The following VWC2L variants were observed in gnomAD, a reference collection of about 807,000 sequenced individuals.
VWC2L encodes the protein von Willebrand factor C domain-containing protein 2-like.
A neutral mutation model predicts 21.6 loss-of-function variants in VWC2L; 10 were observed. The ratio of observed to expected loss-of-function variants is 0.46; its 90% confidence interval spans 0.29 to 0.78. VWC2L has a LOEUF of 0.78. Among genes scored for constraint, VWC2L ranks in the 30% least tolerant of loss-of-function variants. The probability of loss-of-function intolerance (pLI) is 0.10; values close to 1 mark genes in which losing one functional copy is unlikely to be tolerated. For synonymous variants in VWC2L, 96 were observed against 94.3 expected (o/e 1.02, Z -0.10); for missense variants, 209 against 277.1 (o/e 0.75, Z 1.74).
intron 2 of VWC2L, among the ~76,000 whole-genome samples, chr2:214,424,546 A>G (rs1702494002): frequency 1.3e-5 from 2 of 152,202 alleles, no homozygotes; most frequent in African/African-American, 2.4e-5. Flanking sequence ...AGTAGACAGT[A>G]CTTGGCATGC....
chr2:214,433,405 A>G (rs1702633070), intron 2 of VWC2L, among the ~76,000 whole-genome samples: 1 of 151,946 alleles, frequency 6.6e-6, no homozygotes, highest in African/African-American at 2.4e-5. Flanking sequence ...GCCATGTACT[A>G]CTCATAATTT....
At chr2:214,457,279 C>T (rs1349307181) in intron 3 of VWC2L, among the ~76,000 whole-genome samples, 1 of 151,898 alleles carries the variant, frequency 6.6e-6, no homozygotes, top group African/African-American at 2.4e-5. Context: ...TCTTGTAATT[C>T]CTTTTAAAGG....
chr2:214,577,878 C>T lies in VWC2L; in HGVS notation c.*2058C>T, dbSNP rs972060067. 1.3e-5 allele frequency: 2 copies of T among 152,130 alleles called. No individual in the cohort carries two copies. The highest frequency in any genetic ancestry group is 2.9e-5 in the Non-Finnish European group (2 of 68,028). The allele number at this position is 152,130 out of a possible 1,614,324, so 9.4% of individuals were successfully genotyped here. A position where few individuals can be genotyped will look rare whatever the true frequency, so the allele number is the denominator to read the frequency against. ...ACAAATAGCCATGCCGGCACCATCC[C>T]GAGGAAGAGCATCAAGCCACCTTCC... is the stretch of plus-strand genomic sequence containing the variant. On this transcript the variant is annotated 3_prime_UTR_variant, in exon 4 of 4. Coordinates refer to ENST00000312504, the MANE Select transcript of VWC2L (RefSeq NM_001080500.4).
intron 3 of VWC2L, among the ~76,000 whole-genome samples, chr2:214,543,608 T>C (rs942917373): frequency 1.3e-5 from 2 of 151,798 alleles, no homozygotes; most frequent in African/African-American, 4.8e-5. Flanking sequence ...ACTTATAGAT[T>C]AGTCATCCTC....
At chr2:214,542,472 C>T (rs1224428848) in intron 3 of VWC2L, among the ~76,000 whole-genome samples, 1 of 152,168 alleles carries the variant, frequency 6.6e-6, no homozygotes, top group Non-Finnish European at 1.5e-5. Context: ...CAACTGAAAG[C>T]TTCTCCTGCT....
intron 3 of VWC2L, among the ~76,000 whole-genome samples, chr2:214,453,995 AC>A (rs1703015853): frequency 2.6e-5 from 4 of 152,166 alleles, no homozygotes; most frequent in Admixed American, 2.6e-4. Context: ...TGCTAGAATT[AC>A]AGGAGTGAGC....
At chr2:214,516,258 CAGGAGTCAGCTCATAAATGATTA>C (rs1245500449) in intron 3 of VWC2L, among the ~76,000 whole-genome samples, 2 of 150,932 alleles carry the variant, frequency 1.3e-5, no homozygotes, top group East Asian at 3.9e-4. Flanking sequence ...TGTATCGCCC[CAGGAGTCAGCTCATAAATGATTA>C]AGTGTAACGC....
At chr2:214,508,696 A>G (rs1689005687) in intron 3 of VWC2L, among the ~76,000 whole-genome samples, 1 of 152,182 alleles carries the variant, frequency 6.6e-6, no homozygotes, top group Non-Finnish European at 1.5e-5. Context: ...TGTAAAAGTC[A>G]TATTTTAAAT....
At chr2:214,468,700 G>A (rs544996719) in intron 3 of VWC2L, among the ~76,000 whole-genome samples, 141 of 152,180 alleles carry the variant, frequency 9.3e-4, no homozygotes, top group African/African-American at 2.6e-3. Flanking sequence ...GAATTAGAAC[G>A]TATAATGAGA....
At chr2:214,495,422 C>T (rs1688798081) in intron 3 of VWC2L, among the ~76,000 whole-genome samples, 1 of 152,124 alleles carries the variant, frequency 6.6e-6, no homozygotes, top group African/African-American at 2.4e-5. Flanking sequence ...TCTCAGCAAA[C>T]ACTTCTTAAC....
chr2:214,450,171 C>A (rs547026931), intron 3 of VWC2L, among the ~76,000 whole-genome samples: 3 of 152,198 alleles, frequency 2.0e-5, no homozygotes, highest in African/African-American at 7.2e-5. Context: ...GACAAGGAAC[C>A]CAGGAGGAAG....
At chr2:214,519,205 C>A (rs1411715976) in intron 3 of VWC2L, among the ~76,000 whole-genome samples, 1 of 152,124 alleles carries the variant, frequency 6.6e-6, no homozygotes, top group Non-Finnish European at 1.5e-5. Flanking sequence ...TTTTTCAGAA[C>A]CTGTTCTTCC....
intron 3 of VWC2L, among the ~76,000 whole-genome samples, chr2:214,566,703 A>G (rs944500178): frequency 3.3e-5 from 5 of 152,104 alleles, no homozygotes; most frequent in Admixed American, 3.3e-4. Flanking sequence ...CAATCTCATC[A>G]CCACGCTCTT....
At chr2:214,570,132 T>C (rs1320578052) in intron 3 of VWC2L, among the ~76,000 whole-genome samples, 5 of 152,188 alleles carry the variant, frequency 3.3e-5, no homozygotes, top group African/African-American at 7.2e-5. Context: ...AGGTGCTTTA[T>C]GGTCTATCTT....
chr2:214,564,237 T>C (rs4673863), intron 3 of VWC2L, among the ~76,000 whole-genome samples: 114,237 of 152,108 alleles, frequency 0.75, 43,153 homozygotes, highest in East Asian at 0.83. Context: ...AAAATGGCCA[T>C]ACTACCTAAA....
At chr2:214,548,991 G>A (rs1689751828) in intron 3 of VWC2L, among the ~76,000 whole-genome samples, 1 of 152,266 alleles carries the variant, frequency 6.6e-6, no homozygotes, top group Non-Finnish European at 1.5e-5. Flanking sequence ...AAACCAAGCA[G>A]TTGGCAAGAC....
intron 3 of VWC2L, among the ~76,000 whole-genome samples, chr2:214,521,674 A>T (rs1308268618): frequency 6.6e-6 from 1 of 152,354 alleles, no homozygotes; most frequent in East Asian, 1.9e-4. Context: ...TCTCACAATG[A>T]CCAGGACTTG....
chr2:214,419,355 G>A (rs1702400206), intron 2 of VWC2L, among the ~76,000 whole-genome samples: 1 of 152,142 alleles, frequency 6.6e-6, no homozygotes, highest in South Asian at 2.1e-4. Flanking sequence ...TATTGGAAAT[G>A]TAGGCTTAAC....
chr2:214,542,297 C>T (rs9653261), intron 3 of VWC2L, among the ~76,000 whole-genome samples: 46,376 of 152,080 alleles, frequency 0.3, 7,785 homozygotes, highest in African/African-American at 0.45. Context: ...CTCCAAAACC[C>T]ACCAGGATCG....
Sources: allele counts gnomAD v4.1 joint callset (sites outside exome capture counted in the v4.1 genomes callset), GRCh38; gene constraint gnomAD v4.1.1; transcripts MANE v1.5; gene names NCBI Gene and HGNC (gene_info 2026-07-23, HGNC 2026-07-21).